MATN2: variants seen among roughly 807,000 people sequenced by gnomAD.
MATN2 encodes the protein matrilin 2, also known as matrilin-2.
MATN2 carries 69 observed loss-of-function variants against 103.2 expected under a neutral mutation model. The ratio of observed to expected loss-of-function variants is 0.67; its 90% CI spans 0.55 to 0.82. The LOEUF is 0.82. Among genes scored for constraint, MATN2 ranks in the 40% least tolerant of loss-of-function variants. The pLI, the probability that MATN2 is intolerant of heterozygous loss-of-function variation, is 0.00. For missense variants in MATN2, 1,023 were observed against 1,211.5 expected, an observed-to-expected ratio of 0.84 and a Z score of 2.31; for synonymous variants, 429 against 450.2, an observed-to-expected ratio of 0.95 and a Z score of 0.60.
rs1290400571 is a variant in MATN2, at chr8:98,032,237, T to C, written c.2510-9T>C. On this transcript the variant is annotated splice_polypyrimidine_tract_variant and intron_variant, in intron 15 of 18. Coordinates refer to ENST00000254898, the MANE Select transcript of MATN2 (RefSeq NM_002380.5). Reference sequence around the variant, plus strand: ...CCATCACTTCTTTTGGTCATCTTTTTCTGCTCAGCTCTAGAAGACTCCGAT... The same window carrying C: ...CCATCACTTCTTTTGGTCATCTTTTCCTGCTCAGCTCTAGAAGACTCCGAT... The C allele has an allele frequency of 6.2e-7, 1 of 1,606,528 alleles. No homozygotes were observed. The highest frequency in any genetic ancestry group is 1.3e-5 in the African/African-American group (1 of 74,790).
intron 1 of MATN2, among the ~76,000 whole-genome samples, chr8:97,878,523 G>A (rs1430948262): frequency 7.3e-5 from 11 of 151,238 alleles, no homozygotes; most frequent in African/African-American, 2.7e-4. Context: ...TCCAACCTGG[G>A]CAGCAATGCA....
intron 13 of MATN2, among the ~76,000 whole-genome samples, chr8:98,024,607 T>G (rs542144585): frequency 6.6e-6 from 1 of 152,294 alleles, no homozygotes; most frequent in African/African-American, 2.4e-5. Flanking sequence ...GGTGACAAAT[T>G]CCTCATCAGG....
intron 8 of MATN2, chr8:98,004,037 C>G (rs1812874983): frequency 2.6e-6 from 1 of 387,708 alleles, no homozygotes; most frequent in Admixed American, 3.6e-5. Context: ...GCCTGTAATC[C>G]CAGCACAGGG....
rs73701226 is a variant in MATN2, at chr8:98,033,317, T to C, written c.2716+141T>C. ...AAGAGAAGAAAGAATTTAAGTAAAA[T>C]GAGAACTAAAACATAAACTAAAAGA... On this transcript the variant is annotated intron_variant, in intron 17 of 18. Coordinates refer to ENST00000254898, the MANE Select transcript of MATN2 (RefSeq NM_002380.5). The C allele has an allele frequency of 6.5e-3, 5,632 of 867,938 alleles. 224 individuals carry two copies. In the African/African-American group the frequency reaches 0.085, roughly 13 times the overall value. 53.8% of individuals were successfully genotyped at this position (867,938 alleles called of 1,614,324 possible). A position where few individuals can be genotyped will look rare whatever the true frequency, so the allele number is the denominator to read the frequency against.
intron 3 of MATN2, among the ~76,000 whole-genome samples, chr8:97,939,943 A>G (rs1012022883): frequency 3.3e-5 from 5 of 152,174 alleles, no homozygotes; most frequent in Non-Finnish European, 7.4e-5. Flanking sequence ...GTGAAGGTCA[A>G]TGTATATAGG....
intron 2 of MATN2, among the ~76,000 whole-genome samples, chr8:97,901,617 G>A (rs1019885248): frequency 1.3e-5 from 2 of 152,158 alleles, no homozygotes; most frequent in African/African-American, 2.4e-5. Flanking sequence ...CAACAAATAC[G>A]TATGAAGAAG....
intron 7 of MATN2, among the ~76,000 whole-genome samples, chr8:97,999,176 C>T (rs569162288): frequency 6.6e-6 from 1 of 152,290 alleles, no homozygotes; most frequent in South Asian, 2.1e-4. Flanking sequence ...TCAGAATTTC[C>T]TTCCTTTTTA....
intron 4 of MATN2, among the ~76,000 whole-genome samples, chr8:97,946,385 C>T (rs1810753781): frequency 6.6e-6 from 1 of 152,100 alleles, no homozygotes; most frequent in South Asian, 2.1e-4. Flanking sequence ...TTGTGGATTC[C>T]TTCTGCCTTT....
intron 6 of MATN2, among the ~76,000 whole-genome samples, chr8:97,988,213 C>G (rs571114804): frequency 3.2e-4 from 36 of 112,936 alleles, no homozygotes; most frequent in Non-Finnish European, 5.6e-4. Context: ...TATGTATACA[C>G]ACATACATAT....
rs747310498 is a variant in MATN2 at position 98,027,830 on chromosome 8, G to A, written c.2356+1G>A. On this transcript the variant is annotated splice_donor_variant, in intron 14 of 18. Coordinates refer to ENST00000254898, the MANE Select transcript of MATN2 (RefSeq NM_002380.5). LOFTEE classifies it high-confidence loss of function. ...TGGGCCAGTAAAGCCAAGGCCAATG[G>A]TAATATGGGGTGGAGGTGCGGTTTA... The A allele has an allele frequency of 9.7e-6, 15 of 1,554,034 alleles. No individual in the cohort carries two copies. Among genetic ancestry groups the A allele is most frequent in the Non-Finnish European group, 1.7e-6 (2 of 1,153,072 alleles).
intron 5 of MATN2, among the ~76,000 whole-genome samples, chr8:97,971,614 A>G (rs1407780327): frequency 6.6e-6 from 1 of 152,182 alleles, no homozygotes; most frequent in Non-Finnish European, 1.5e-5. Context: ...CCATTTATCT[A>G]GATTTCTGAA....
intron 8 of MATN2, chr8:98,004,058 G>A (rs1275903455): frequency 4.3e-5 from 15 of 352,622 alleles, no homozygotes; most frequent in Non-Finnish European, 7.2e-5. Flanking sequence ...AGGCCAAGGC[G>A]GGCAGATCAC....
intron 2 of MATN2, among the ~76,000 whole-genome samples, chr8:97,923,208 A>G (rs1423717877): frequency 2.6e-5 from 4 of 151,134 alleles, no homozygotes; most frequent in Non-Finnish European, 4.4e-5. Context: ...TTCTCTCATC[A>G]TAAAACAGCT....
At chr8:97,974,345 G>A (rs899024105) in intron 5 of MATN2, among the ~76,000 whole-genome samples, 2 of 152,026 alleles carry the variant, frequency 1.3e-5, no homozygotes, top group South Asian at 4.1e-4. Flanking sequence ...CACCATGTTG[G>A]CCAGGCTGGT....
chr8:97,950,872 T>G (rs544976383), intron 4 of MATN2: 1 of 152,376 alleles, frequency 6.6e-6, no homozygotes, highest in East Asian at 1.9e-4. Flanking sequence ...AGATGGAGAA[T>G]TCCAGTTCAA....
chr8:98,032,683 C>A (rs1003758913), intron 16 of MATN2, among the ~76,000 whole-genome samples: 4 of 152,182 alleles, frequency 2.6e-5, no homozygotes, highest in Admixed American at 1.3e-4. Flanking sequence ...AGGCACCCAC[C>A]ACCATGCCCA....
intron 18 of MATN2, chr8:98,034,175 A>C (rs57083504): frequency 2.2e-6 from 1 of 455,952 alleles, no homozygotes; most frequent in South Asian, 1.5e-5. Context: ...CCTTGGCAGC[A>C]GAGATCTTCT....
rs2130385424 is a variant in MATN2, at chr8:98,005,931, CA to C, written c.1328-1173del. ...ATCCAGCAAGTGTTCGCAGGAGATG[CA>C]TCCACCAGTGGAATGTTCTGGAAGG... is the stretch of plus-strand genomic sequence containing the variant. On this transcript the variant is annotated intron_variant, in intron 8 of 18. Transcript: ENST00000254898. This position sits in a 1 kb window ranked among gnomAD's most constrained non-coding sequence, Gnocchi z 4.6. 6.6e-6 allele frequency among the ~76,000 whole-genome samples: 1 copy of C among 152,370 alleles called. No individual in the cohort carries two copies. Among genetic ancestry groups the C allele is most frequent in the South Asian group, 2.1e-4 (1 of 4,830 alleles).
intron 5 of MATN2, among the ~76,000 whole-genome samples, chr8:97,962,977 A>C (rs947989840): frequency 1.3e-5 from 2 of 152,166 alleles, no homozygotes; most frequent in African/African-American, 4.8e-5. Flanking sequence ...TCTACTAAAA[A>C]TACAAAAATT....
Sources: allele counts gnomAD v4.1 joint callset (sites outside exome capture counted in the v4.1 genomes callset), GRCh38; gene constraint gnomAD v4.1.1; non-coding constraint Gnocchi (gnomAD v3.1); transcripts MANE v1.5; gene names NCBI Gene and HGNC (gene_info 2026-07-23, HGNC 2026-07-21).